PPM1L: variants seen among roughly 807,000 people sequenced by gnomAD.
PPM1L encodes protein phosphatase, Mg2+/Mn2+ dependent 1L, also known as protein phosphatase 1L.
A neutral mutation model predicts 31.4 loss-of-function variants in PPM1L; 13 were observed. That is an observed-to-expected ratio of 0.41 (90% CI 0.27 to 0.66). The LOEUF (loss-of-function observed/expected upper bound fraction) is 0.66, where lower values mean the gene tolerates loss of function less well. Ranked by LOEUF, PPM1L falls within the 30% of genes least tolerant of loss-of-function variation. PPM1L has a pLI of 0.29. For synonymous variants in PPM1L, 184 were observed against 175.4 expected (o/e 1.05, Z -0.39); for missense variants, 326 against 453.7 (o/e 0.72, Z 2.56).
At chr3:160,873,081 T>C (rs1868108) in intron 1 of PPM1L, among the ~76,000 whole-genome samples, 64,595 of 152,134 alleles carry the variant, frequency 0.42, 15,086 homozygotes, top group African/African-American at 0.62. Context: ...TTTAAAAAAG[T>C]CACTGTGCAA....
intron 1 of PPM1L, among the ~76,000 whole-genome samples, chr3:160,913,833 G>C (rs1404364881): frequency 6.6e-6 from 1 of 151,880 alleles, no homozygotes; most frequent in East Asian, 1.9e-4. Context: ...CCAGTTTTCT[G>C]ACTACCATTA....
At chr3:160,786,153 C>CTGTGTGTGTGTG (rs775015539) in intron 1 of PPM1L, among the ~76,000 whole-genome samples, 8 of 74,204 alleles carry the variant, frequency 1.1e-4, no homozygotes, top group South Asian at 8.6e-4. Context: ...CTCTCTCTCT[C>CTGTGTGTGTGTG]TCTCTGTGTG....
intron 1 of PPM1L, among the ~76,000 whole-genome samples, chr3:160,799,798 A>G (rs895433935): frequency 2.0e-5 from 3 of 152,188 alleles, no homozygotes; most frequent in Non-Finnish European, 4.4e-5. Context: ...ACCACTATAT[A>G]TAAAATAGGA....
At chr3:160,944,499 T>C (rs1403781984) in intron 1 of PPM1L, among the ~76,000 whole-genome samples, 1 of 149,818 alleles carries the variant, frequency 6.7e-6, no homozygotes, top group Non-Finnish European at 1.5e-5. Flanking sequence ...CTACAATTTC[T>C]AAGACTCTCT....
At chr3:161,021,203 T>C (rs1718227093) in intron 2 of PPM1L, among the ~76,000 whole-genome samples, 1 of 152,032 alleles carries the variant, frequency 6.6e-6, no homozygotes, top group Non-Finnish European at 1.5e-5. Flanking sequence ...ACTTTAGCTG[T>C]ATCCCATAAG....
At chr3:160,910,835 T>C (rs552662278) in intron 1 of PPM1L, among the ~76,000 whole-genome samples, 1 of 152,230 alleles carries the variant, frequency 6.6e-6, no homozygotes, top group African/African-American at 2.4e-5. Flanking sequence ...TTTGCACCTT[T>C]ATTGCAGGCT....
chr3:160,762,487 A>G (rs62272811), intron 1 of PPM1L, among the ~76,000 whole-genome samples: 5,042 of 152,282 alleles, frequency 0.033, 123 homozygotes, highest in Middle Eastern at 0.12. Flanking sequence ...GTTATGTTCT[A>G]TGTGATGTCT....
chr3:161,065,946 C>G (rs570290356), intron 3 of PPM1L, among the ~76,000 whole-genome samples: 1 of 152,340 alleles, frequency 6.6e-6, no homozygotes, highest in Admixed American at 6.5e-5. Flanking sequence ...TTCTGGGTCA[C>G]AATTACTTGT....
At chr3:160,970,787 A>ATTT (rs71628437) in intron 2 of PPM1L, among the ~76,000 whole-genome samples, 5 of 97,180 alleles carry the variant, frequency 5.1e-5, no homozygotes, top group African/African-American at 1.3e-4. Flanking sequence ...TTCAGTTATA[A>ATTT]TTTTTTTTTT....
intron 1 of PPM1L, among the ~76,000 whole-genome samples, chr3:160,910,203 CTGTCCCTTTCCCCT>C (rs1713907697): frequency 7.3e-6 from 1 of 136,630 alleles, no homozygotes. Flanking sequence ...TTCCCCTTCC[CTGTCCCTTTCCCCT>C]TCCCCTTTCC....
chr3:160,866,700 A>T (rs1712100519), intron 1 of PPM1L, among the ~76,000 whole-genome samples: 1 of 152,204 alleles, frequency 6.6e-6, no homozygotes, highest in African/African-American at 2.4e-5. Context: ...TCCTAAGACA[A>T]TTAACTCATT....
At chr3:160,793,905 C>G (rs1321233808) in intron 1 of PPM1L, among the ~76,000 whole-genome samples, 1 of 152,192 alleles carries the variant, frequency 6.6e-6, no homozygotes, top group Non-Finnish European at 1.5e-5. Context: ...TTGGTTGATA[C>G]AGCTGAGCCT....
At chr3:160,851,875 G>T (rs1172716970) in intron 1 of PPM1L, among the ~76,000 whole-genome samples, 2 of 152,164 alleles carry the variant, frequency 1.3e-5, no homozygotes, top group East Asian at 1.9e-4. Context: ...ACCTTCCATT[G>T]TCTTTCAAAT....
chr3:160,777,347 T>C (rs549243655), intron 1 of PPM1L, among the ~76,000 whole-genome samples: 1 of 152,290 alleles, frequency 6.6e-6, no homozygotes, highest in South Asian at 2.1e-4. Context: ...ACATAATTTT[T>C]GATATGTGCT....
rs1719991060 is a variant in PPM1L, at chr3:161,073,252, T to TGTCA, written c.*4098_*4101dup. 1 of 152,244 alleles carries TGTCA rather than the reference T, an allele frequency of 6.6e-6. No homozygotes were observed. Among genetic ancestry groups the TGTCA allele is most frequent in the African/African-American group, 2.4e-5 (1 of 41,468 alleles). The allele number at this position is 152,244 out of a possible 1,614,324, so 9.4% of individuals were successfully genotyped here. A position where few individuals can be genotyped will look rare whatever the true frequency, so the allele number is the denominator to read the frequency against. On this transcript the variant is annotated 3_prime_UTR_variant, in exon 4 of 4. Transcript: ENST00000498165. ...AGAGAAAAACACAACAAATATCTAC[T>TGTCA]GTCAGTTAGCCCAGTGTTTTCCAGA...
At chr3:160,855,407 T>G (rs1330331893) in intron 1 of PPM1L, among the ~76,000 whole-genome samples, 3 of 152,086 alleles carry the variant, frequency 2.0e-5, no homozygotes, top group Non-Finnish European at 4.4e-5. Flanking sequence ...CTCTGCACAG[T>G]GAAAGAAACT....
At position 160,948,517 on chromosome 3, in the gene PPM1L, G is replaced by A. The variant is rs1340115525; in HGVS notation, c.400-13219G>A. On this transcript the variant is annotated intron_variant, in intron 1 of 3. Coordinates refer to ENST00000498165, the MANE Select transcript of PPM1L (RefSeq NM_139245.4). ...GGGATGGTCAAGAGGAAATCATTGTGTTTTCACAGTGCTTTGCCACAGGTC... is the reference window on the plus strand; with the variant it reads ...GGGATGGTCAAGAGGAAATCATTGTATTTTCACAGTGCTTTGCCACAGGTC... Among the ~76,000 whole-genome samples the A allele has an allele frequency of 2.0e-5, 3 of 152,122 alleles. No homozygotes were observed. In the East Asian group the frequency reaches 5.8e-4, roughly 29 times the overall value.
At chr3:160,990,307 C>A (rs891646439) in intron 2 of PPM1L, among the ~76,000 whole-genome samples, 93 of 152,180 alleles carry the variant, frequency 6.1e-4, no homozygotes, top group Admixed American at 3.0e-3. Flanking sequence ...CAGCCAACAA[C>A]TATTTTTTAA....
At chr3:161,005,482 A>G (rs1717673871) in intron 2 of PPM1L, among the ~76,000 whole-genome samples, 1 of 152,162 alleles carries the variant, frequency 6.6e-6, no homozygotes, top group Non-Finnish European at 1.5e-5. Flanking sequence ...TCAAGGTCAG[A>G]GTGGGAAGGT....
Sources: allele counts gnomAD v4.1 joint callset (sites outside exome capture counted in the v4.1 genomes callset), GRCh38; gene constraint gnomAD v4.1.1; transcripts MANE v1.5; gene names NCBI Gene and HGNC (gene_info 2026-07-23, HGNC 2026-07-21).